Variants in DBI observed in about 807,000 individuals in gnomAD.
DBI encodes diazepam binding inhibitor, acyl-CoA binding protein.
A neutral mutation model predicts 13.0 loss-of-function variants in DBI; 12 were observed. The ratio of observed to expected loss-of-function variants is 0.92; its 90% CI spans 0.59 to 1.49. The LOEUF (loss-of-function observed/expected upper bound fraction) is 1.49, where lower values mean the gene tolerates loss of function less well. DBI is among the 40% of genes most tolerant of loss of function. The probability of loss-of-function intolerance (pLI) is 0.00; values close to 1 mark genes in which losing one functional copy is unlikely to be tolerated. For missense variants in DBI, 95 were observed against 104.8 expected, an observed-to-expected ratio of 0.91 and a Z score of 0.41; for synonymous variants, 37 against 37.4, an observed-to-expected ratio of 0.99 and a Z score of 0.04.
At chr2:119,371,578 G>A (rs1337560726) in intron 3 of DBI, among the ~76,000 whole-genome samples, 1 of 152,216 alleles carries the variant, frequency 6.6e-6, no homozygotes, top group Non-Finnish European at 1.5e-5. Context: ...ACTCTCCAGT[G>A]CTTCAGAACA....
At chr2:119,370,832 G>A in intron 3 of DBI, 30 bp downstream of exon 3, 1 of 1,589,262 alleles carries the variant, frequency 6.3e-7, no homozygotes, top group East Asian at 2.2e-5. Flanking sequence ...TCTCTCATTT[G>A]TGAAACCCAG....
At chr2:119,371,790 C>A (rs1194655851) in intron 3 of DBI, among the ~76,000 whole-genome samples, 2 of 152,242 alleles carry the variant, frequency 1.3e-5, no homozygotes, top group African/African-American at 2.4e-5. Flanking sequence ...GAAGAGGGTG[C>A]CTGGCTTTGC....
At chr2:119,368,934 C>A (rs1681299666) in intron 2 of DBI, 1 of 153,180 alleles carries the variant, frequency 6.5e-6, no homozygotes, top group African/African-American at 2.4e-5. Context: ...GCAGTGCATT[C>A]TGTGCAAGGA....
At chr2:119,367,700 G>A in intron 1 of DBI, 8 of 1,611,618 alleles carry the variant, frequency 5.0e-6, no homozygotes, top group Non-Finnish European at 5.9e-6. Context: ...GGGCTCCGGC[G>A]CTGACACCGC....
At chr2:119,371,995 C>T (rs544940008) in intron 3 of DBI, among the ~76,000 whole-genome samples, 4 of 152,316 alleles carry the variant, frequency 2.6e-5, no homozygotes, top group East Asian at 1.9e-4. Flanking sequence ...AGGTGGGGGA[C>T]GCAGGTGTCC....
chr2:119,370,071 A>G (rs953357264), intron 2 of DBI: 1 of 152,230 alleles, frequency 6.6e-6, no homozygotes, highest in Non-Finnish European at 1.5e-5. Context: ...TCTCAGGCAC[A>G]GTGCTCCAGG....
In DBI at chr2:119,372,389, C is replaced by T. The variant is rs1396712574; in HGVS notation, c.*71C>T. Reference sequence around the variant, plus strand: ...ACAATGCCTTGTTTTTTTCTAATACCGTGGATGGTGGGAATTCGGGAAAAT... The same window carrying T: ...ACAATGCCTTGTTTTTTTCTAATACTGTGGATGGTGGGAATTCGGGAAAAT... On this transcript the variant is annotated 3_prime_UTR_variant, in exon 4 of 4. Transcript: ENST00000355857. 2.6e-5 allele frequency: 32 copies of T among 1,217,580 alleles called. No individual in the cohort carries two copies. The highest frequency in any genetic ancestry group is 9.0e-5 in the African/African-American group (6 of 67,034). The allele number at this position is 1,217,580 out of a possible 1,614,324, so 75.4% of individuals were successfully genotyped here. A position where few individuals can be genotyped will look rare whatever the true frequency, so the allele number is the denominator to read the frequency against.
intron 3 of DBI, among the ~76,000 whole-genome samples, chr2:119,371,763 T>C (rs1681532234): frequency 6.6e-6 from 1 of 152,238 alleles, no homozygotes; most frequent in Admixed American, 6.5e-5. Flanking sequence ...ACTTTTCTCA[T>C]AGCCTCTCTC....
chr2:119,370,874 G>A, intron 3 of DBI, 72 bp downstream of exon 3: 1 of 1,407,180 alleles, frequency 7.1e-7, no homozygotes, highest in Non-Finnish European at 9.9e-7. Context: ...GAAGTGTAAG[G>A]GAAGAGGAGA....
At chr2:119,369,949 G>T (rs557873254) in intron 2 of DBI, among the ~76,000 whole-genome samples, 1 of 152,072 alleles carries the variant, frequency 6.6e-6, no homozygotes, top group Non-Finnish European at 1.5e-5. Flanking sequence ...CATTTCCACC[G>T]CTTGGAGAGA....
At chr2:119,367,696 C>G (rs543257818) in intron 1 of DBI, 1 of 1,611,626 alleles carries the variant, frequency 6.2e-7, no homozygotes, top group African/African-American at 1.3e-5. Context: ...CAACGGGCTC[C>G]GGCGCTGACA....
chr2:119,370,047 G>A lies in DBI; in HGVS notation c.128-693G>A, dbSNP rs932494785. ...TCCCTGGGAACACTTCCCTGAAAGC[G>A]CTCAGGGACATTTTCTCAGGCACAG... is the stretch of plus-strand genomic sequence containing the variant. On this transcript the variant is annotated intron_variant, in intron 2 of 3. Transcript: ENST00000355857. 4.6e-5 allele frequency among the ~76,000 whole-genome samples: 7 copies of A among 152,232 alleles called. No homozygotes were observed. In the South Asian group the frequency reaches 8.3e-4, roughly 18 times the overall value.
At chr2:119,372,202 C>A in intron 3 of DBI, 43 bp from the exon 4 acceptor site, 1 of 1,498,190 alleles carries the variant, frequency 6.7e-7, no homozygotes, top group Non-Finnish European at 9.3e-7. Flanking sequence ...TTGTTTCCTA[C>A]CATGCTACCT....
Position 119,370,791 on chromosome 2 carries a change from A to G in DBI, c.179A>G (p.Asn60Ser). Reference protein sequence around the residue: ...FTGKAKWDAWNELKGTSKEDA... With the variant: ...FTGKAKWDAWSELKGTSKEDA... ...GGCAAGGCCAAGTGGGATGCCTGGA[A>G]TGAGCTGAAAGGTAATTGTTCTAAT... The change falls in exon 3 of 4, where the codon AAT becomes AGT. Residue 60 changes from asparagine to serine, a missense_variant. Coordinates refer to ENST00000355857, the MANE Select transcript of DBI (RefSeq NM_001079862.4). 6.2e-7 allele frequency: 1 copy of G among 1,613,936 alleles called. No homozygotes were observed.
chr2:119,370,401 T>C (rs1434141453), intron 2 of DBI: 1 of 173,832 alleles, frequency 5.8e-6, no homozygotes, highest in Admixed American at 6.2e-5. Flanking sequence ...TATTTTCCTC[T>C]GTAGCTTTTG....
At chr2:119,370,185 G>T (rs1034179735) in intron 2 of DBI, 8 of 152,178 alleles carry the variant, frequency 5.3e-5, no homozygotes, top group African/African-American at 1.9e-4. Flanking sequence ...ATGACAACAG[G>T]TCTATAAGCA....
At chr2:119,367,778 G>T in intron 1 of DBI, 2 of 1,609,774 alleles carry the variant, frequency 1.2e-6, no homozygotes, top group Non-Finnish European at 1.7e-6. Context: ...TCAGGCCAGG[G>T]CTTCGCTGCA....
intron 1 of DBI, chr2:119,367,777 G>T: frequency 6.2e-7 from 1 of 1,609,596 alleles, no homozygotes; most frequent in Non-Finnish European, 8.5e-7. Context: ...CTCAGGCCAG[G>T]GCTTCGCTGC....
At chr2:119,367,984 T>C in intron 1 of DBI, 1 of 1,611,734 alleles carries the variant, frequency 6.2e-7, no homozygotes, top group Non-Finnish European at 8.5e-7. Context: ...TGGAGGGGCT[T>C]CCCCTTCTTG....
Sources: allele counts gnomAD v4.1 joint callset (sites outside exome capture counted in the v4.1 genomes callset), GRCh38; gene constraint gnomAD v4.1.1; transcripts MANE v1.5; gene names NCBI Gene and HGNC (gene_info 2026-07-23, HGNC 2026-07-21).